The following FAAH2 variants were observed in gnomAD, a reference collection of about 807,000 sequenced individuals.
FAAH2 encodes the protein fatty-acid amide hydrolase 2.
FAAH2 carries 60 observed loss-of-function variants against 36.9 expected under a neutral mutation model. The ratio of observed to expected loss-of-function variants is 1.63; its 90% CI spans 1.32 to 2.02. FAAH2 has a LOEUF of 2.02. FAAH2 is among the 30% of genes most tolerant of loss of function. The probability of loss-of-function intolerance (pLI) is 0.00; values close to 1 mark genes in which losing one functional copy is unlikely to be tolerated. For missense variants in FAAH2, 689 were observed against 397.5 expected (o/e 1.73, Z -6.23); for synonymous variants, 214 against 143.8 (o/e 1.49, Z -3.49).
intron 8 of FAAH2, among the ~76,000 whole-genome samples, chrX:57,444,240 G>A (rs1256339160): frequency 8.9e-6 from 1 of 112,358 alleles, no homozygotes; most frequent in Non-Finnish European, 1.9e-5. Flanking sequence ...GCTTCCTTGA[G>A]CTGTGGTGGG....
the FAAH2 span, among the ~76,000 whole-genome samples, chrX:57,158,765 T>C: frequency 4.0e-4 from 45 of 112,176 alleles, no homozygotes; most frequent in African/African-American, 1.5e-3. Context: ...GATGAGTAGA[T>C]TGCAAAAATT....
At chrX:57,370,371 A>T (rs1569297190) in intron 5 of FAAH2, among the ~76,000 whole-genome samples, 1 of 111,602 alleles carries the variant, frequency 9.0e-6, no homozygotes, top group East Asian at 2.8e-4. Context: ...TTACTGGAAA[A>T]AGAGACTAAG....
At chrX:57,411,475 C>A (rs1380699896) in intron 7 of FAAH2, among the ~76,000 whole-genome samples, 1 of 110,289 alleles carries the variant, frequency 9.1e-6, no homozygotes, top group Non-Finnish European at 1.9e-5. Flanking sequence ...AGGTAAGTCA[C>A]CCTGCAGGGC....
chrX:57,247,311 T>C, the FAAH2 span, among the ~76,000 whole-genome samples: 1 of 111,920 alleles, frequency 8.9e-6, no homozygotes, highest in African/African-American at 3.2e-5. Flanking sequence ...TTCTTTATTA[T>C]GACAGAAAAA....
At chrX:57,438,655 G>A (rs963710232) in intron 8 of FAAH2, among the ~76,000 whole-genome samples, 1 of 109,056 alleles carries the variant, frequency 9.2e-6, no homozygotes. Flanking sequence ...CAATGTGCAG[G>A]TTTGTTACAT....
chrX:57,327,100 G>T (rs754046678), intron 3 of FAAH2, among the ~76,000 whole-genome samples: 1 of 108,126 alleles, frequency 9.2e-6, no homozygotes, highest in African/African-American at 3.4e-5. Flanking sequence ...CACTTATGAA[G>T]CTTAGTTTGG....
chrX:57,357,999 G>C (rs2054199941), intron 5 of FAAH2, among the ~76,000 whole-genome samples: 1 of 110,899 alleles, frequency 9.0e-6, no homozygotes, highest in African/African-American at 3.3e-5. Flanking sequence ...GGAATACTAT[G>C]CAGCCATAAA....
the FAAH2 span, among the ~76,000 whole-genome samples, chrX:57,191,253 C>A: frequency 2.8e-4 from 31 of 112,042 alleles, no homozygotes; most frequent in African/African-American, 9.4e-4. Flanking sequence ...TGCTTGACAT[C>A]TTTTCATATG....
chrX:57,323,252 G>C (rs781236041), intron 3 of FAAH2, among the ~76,000 whole-genome samples: 1 of 111,515 alleles, frequency 9.0e-6, no homozygotes, highest in Non-Finnish European at 1.9e-5. Flanking sequence ...ATTTGGGTTG[G>C]TTCCAAGTCT....
At chrX:57,137,221 C>T in the FAAH2 span, 20 of 758,725 alleles carry the variant, frequency 2.6e-5, no homozygotes, top group African/African-American at 6.9e-5. Context: ...TGGCGTCCAC[C>T]GCCGGGGATC....
intron 7 of FAAH2, among the ~76,000 whole-genome samples, chrX:57,400,909 T>C (rs758323748): frequency 3.6e-5 from 4 of 110,796 alleles, no homozygotes; most frequent in Non-Finnish European, 7.6e-5. Context: ...GATCACAAGG[T>C]CAGGAGATTG....
At chrX:57,352,060 A>G (rs76864009) in intron 5 of FAAH2, among the ~76,000 whole-genome samples, 2 of 30,157 alleles carry the variant, frequency 6.6e-5, no homozygotes, top group African/African-American at 8.5e-5. Flanking sequence ...GTATATATAT[A>G]TATATACACA....
At chrX:57,360,480 C>T (rs1374922807) in intron 5 of FAAH2, among the ~76,000 whole-genome samples, 1 of 109,780 alleles carries the variant, frequency 9.1e-6, no homozygotes, top group Non-Finnish European at 1.9e-5. Flanking sequence ...CCAAATTTTG[C>T]AATTCCATTA....
the FAAH2 span, among the ~76,000 whole-genome samples, chrX:57,209,820 T>G: frequency 9.0e-6 from 1 of 111,309 alleles, no homozygotes; most frequent in African/African-American, 3.3e-5. Flanking sequence ...CCATAGCACT[T>G]TAGTCTGAAA....
chrX:57,429,844 C>A (rs1345328944), intron 7 of FAAH2, among the ~76,000 whole-genome samples: 1 of 109,826 alleles, frequency 9.1e-6, no homozygotes, highest in Non-Finnish European at 1.9e-5. Flanking sequence ...TTGTATTCAG[C>A]CATTAAAAAA....
intron 8 of FAAH2, among the ~76,000 whole-genome samples, chrX:57,441,181 TA>T (rs1194749580): frequency 8.9e-6 from 1 of 111,892 alleles, no homozygotes. Flanking sequence ...GAGGGAATGG[TA>T]CTAGCTCCTC....
chrX:57,316,229 G>T (rs1167079116), intron 3 of FAAH2, among the ~76,000 whole-genome samples: 1 of 111,100 alleles, frequency 9.0e-6, no homozygotes, highest in Non-Finnish European at 1.9e-5. Context: ...AACCAGAAAT[G>T]GTATAAATAA....
the FAAH2 span, among the ~76,000 whole-genome samples, chrX:57,224,623 C>A: frequency 8.9e-6 from 1 of 112,020 alleles, no homozygotes; most frequent in Non-Finnish European, 1.9e-5. Flanking sequence ...CTGGAAGACA[C>A]GTACCCCTGA....
At chrX:57,277,308 C>T in the FAAH2 span, among the ~76,000 whole-genome samples, 35 of 111,884 alleles carry the variant, frequency 3.1e-4, no homozygotes, top group Admixed American at 2.8e-3. Flanking sequence ...CACATAAACA[C>T]GACCAATGAG....
Sources: gnomAD v4.1 joint callset for allele counts (sites outside exome capture counted in the v4.1 genomes callset) on GRCh38, gnomAD v4.1.1 for gene constraint, MANE v1.5 for transcripts, NCBI Gene and HGNC (gene_info 2026-07-23, HGNC 2026-07-21) for gene names.